Variants in PRIMPOL observed in about 807,000 individuals in gnomAD.
PRIMPOL encodes the protein DNA-directed primase/polymerase protein.
A neutral mutation model predicts 63.6 loss-of-function variants in PRIMPOL; 54 were observed. The observed-to-expected ratio is 0.85, with a 90% confidence interval of 0.68 to 1.07. PRIMPOL has a LOEUF of 1.07. Ranked by LOEUF, PRIMPOL falls within the 50% of genes least tolerant of loss-of-function variation. The pLI, the probability that PRIMPOL is intolerant of heterozygous loss-of-function variation, is 0.00. For synonymous variants in PRIMPOL, 197 were observed against 220.2 expected (o/e 0.89, Z 0.93); for missense variants, 610 against 648.3 (o/e 0.94, Z 0.64).
At chr4:184,663,446 G>A (rs751314189) in intron 5 of PRIMPOL, among the ~76,000 whole-genome samples, 3 of 152,168 alleles carry the variant, frequency 2.0e-5, no homozygotes, top group Non-Finnish European at 2.9e-5. Flanking sequence ...CCTCGATTCA[G>A]AGATTTTCAC....
intron 13 of PRIMPOL, 125 bp downstream of exon 13, chr4:184,691,837 G>T: frequency 3.0e-6 from 2 of 663,562 alleles, no homozygotes; most frequent in South Asian, 1.9e-5. Context: ...ACTTATGACT[G>T]TATTATAGGA....
intron 7 of PRIMPOL, 109 bp downstream of exon 7, chr4:184,672,569 C>T: frequency 9.2e-7 from 1 of 1,088,418 alleles, no homozygotes; most frequent in Non-Finnish European, 1.3e-6. Context: ...CTCCACTGCC[C>T]AAGTCGCCAG....
rs374221499 is a variant in PRIMPOL at position 184,672,431 on chromosome 4, T to C, written c.815T>C (p.Met272Thr). The change falls in exon 7 of 14, where the codon ATG (methionine) becomes ACG (threonine). Residue 272 changes from methionine (M) to threonine (T), a missense_variant. Coordinates refer to ENST00000314970, the MANE Select transcript of PRIMPOL (RefSeq NM_152683.4). The stretch of plus-strand genomic sequence containing the variant: ...TCATTTCTAGTTGTGAAGAATAACA[T>C]GGGAGAGAAGCATCTTTTTGTAGAT... Reference protein sequence around the residue: ...DLSFLVVKNNMGEKHLFVDLG... With the variant: ...DLSFLVVKNNTGEKHLFVDLG... 2.5e-6 allele frequency: 4 copies of C among 1,611,396 alleles called. No homozygotes were observed. In the African/African-American group the frequency reaches 5.4e-5, roughly 22 times the overall value.
intron 2 of PRIMPOL, among the ~76,000 whole-genome samples, chr4:184,654,232 A>G (rs1745558235): frequency 6.6e-6 from 1 of 152,238 alleles, no homozygotes; most frequent in Non-Finnish European, 1.5e-5. Flanking sequence ...GGTAGATACT[A>G]GCTAGATTCA....
chr4:184,664,191 T>TACCTA (rs1254343038), intron 5 of PRIMPOL, among the ~76,000 whole-genome samples: 1 of 152,230 alleles, frequency 6.6e-6, no homozygotes, highest in Non-Finnish European at 1.5e-5. Context: ...TTACTTGTCC[T>TACCTA]ACCTAAAGCA....
intron 4 of PRIMPOL, among the ~76,000 whole-genome samples, chr4:184,660,046 C>T (rs556112621): frequency 3.1e-4 from 47 of 151,880 alleles, no homozygotes; most frequent in Non-Finnish European, 4.6e-4. Context: ...ATCTTGAACT[C>T]CTGACCTCAG....
intron 9 of PRIMPOL, among the ~76,000 whole-genome samples, chr4:184,684,870 C>A (rs1280069240): frequency 2.6e-5 from 4 of 152,078 alleles, no homozygotes; most frequent in Non-Finnish European, 5.9e-5. Context: ...AACAAAAAAA[C>A]CAGCAGTTGC....
At chr4:184,666,824 G>A (rs1046965235) in intron 6 of PRIMPOL, among the ~76,000 whole-genome samples, 1 of 152,228 alleles carries the variant, frequency 6.6e-6, no homozygotes, top group African/African-American at 2.4e-5. Context: ...CTAGATGTAC[G>A]AGTCTGAAAG....
At chr4:184,665,572 T>C (rs1198551168) in intron 5 of PRIMPOL, among the ~76,000 whole-genome samples, 2 of 151,626 alleles carry the variant, frequency 1.3e-5, no homozygotes, top group African/African-American at 2.4e-5. Flanking sequence ...GGCACCATCT[T>C]GGCTGACTGC....
chr4:184,667,813 T>C (rs1308536916), intron 6 of PRIMPOL, among the ~76,000 whole-genome samples: 1 of 152,144 alleles, frequency 6.6e-6, no homozygotes, highest in Non-Finnish European at 1.5e-5. Context: ...CCCCATCCCC[T>C]TCCCCACTTG....
intron 2 of PRIMPOL, among the ~76,000 whole-genome samples, chr4:184,655,879 A>G (rs1746293590): frequency 6.6e-6 from 1 of 151,960 alleles, no homozygotes; most frequent in South Asian, 2.1e-4. Context: ...GAAGAGAGGA[A>G]CTCTATTAAT....
At chr4:184,692,999 G>C (rs188492187) in intron 13 of PRIMPOL, among the ~76,000 whole-genome samples, 1 of 152,168 alleles carries the variant, frequency 6.6e-6, no homozygotes, top group African/African-American at 2.4e-5. Context: ...ATTGTAGTTT[G>C]TGTTTTGTTT....
rs1433072163 is a variant in PRIMPOL at position 184,667,870 on chromosome 4, C to T, written c.556+1806C>T. Among the ~76,000 whole-genome samples, 4 of 152,264 alleles carry T rather than the reference C, an allele frequency of 2.6e-5. No homozygotes were observed. The South Asian group carries it at 6.2e-4, about 24-fold the overall frequency. On this transcript the variant is annotated intron_variant, in intron 6 of 13. Coordinates refer to ENST00000314970, the MANE Select transcript of PRIMPOL (RefSeq NM_152683.4). Reference sequence around the variant, plus strand: ...AACTTTCTTCCTTTTTATGGGCTGACCCCTCCTCTACATTCTGTTCACTTA... The same window carrying T: ...AACTTTCTTCCTTTTTATGGGCTGATCCCTCCTCTACATTCTGTTCACTTA...
intron 5 of PRIMPOL, among the ~76,000 whole-genome samples, chr4:184,663,508 T>C (rs1173375619): frequency 6.6e-6 from 1 of 152,228 alleles, no homozygotes; most frequent in Admixed American, 6.5e-5. Flanking sequence ...CATTAGAAAC[T>C]AGAAATATTT....
At chr4:184,650,213 T>TA (rs151192933) in intron 1 of PRIMPOL, among the ~76,000 whole-genome samples, 14,318 of 152,234 alleles carry the variant, frequency 0.094, 2,143 homozygotes, top group African/African-American at 0.32. Context: ...AATCCACATA[T>TA]AAATGTTACA....
intron 11 of PRIMPOL, among the ~76,000 whole-genome samples, chr4:184,686,130 G>A (rs1365166079): frequency 6.6e-6 from 1 of 152,122 alleles, no homozygotes; most frequent in Non-Finnish European, 1.5e-5. Context: ...GTTGTATATG[G>A]TTAGCATTAC....
At position 184,657,103 on chromosome 4, in the gene PRIMPOL, C is replaced by G; in HGVS notation, c.-38C>G. ...TTAGTAGTAATTGATAGAAATATTA[C>G]GTGGGATAGGATTTATTCTCTCCAC... On this transcript the variant is annotated 5_prime_UTR_variant, in exon 3 of 14. Coordinates refer to ENST00000314970, the MANE Select transcript of PRIMPOL (RefSeq NM_152683.4). The G allele has an allele frequency of 7.2e-7, 1 of 1,388,978 alleles. No individual in the cohort carries two copies. Among genetic ancestry groups the G allele is most frequent in the Non-Finnish European group, 9.6e-7 (1 of 1,046,876 alleles). The allele number at this position is 1,388,978 out of a possible 1,614,324, so 86.0% of individuals were successfully genotyped here. A position where few individuals can be genotyped will look rare whatever the true frequency, so the allele number is the denominator to read the frequency against.
At chr4:184,669,456 GGGTGTGGA>G in intron 6 of PRIMPOL, among the ~76,000 whole-genome samples, 1 of 152,358 alleles carries the variant, frequency 6.6e-6, no homozygotes, top group Admixed American at 6.5e-5. Context: ...ACTGCCGTCA[GGGTGTGGA>G]GGCAGAGTGC....
intron 1 of PRIMPOL, among the ~76,000 whole-genome samples, chr4:184,650,821 G>A (rs1014917518): frequency 6.6e-6 from 1 of 152,020 alleles, no homozygotes; most frequent in Admixed American, 6.6e-5. Flanking sequence ...TCGACTATAG[G>A]GACTATATTC....
Sources: gnomAD v4.1 joint callset for allele counts (sites outside exome capture counted in the v4.1 genomes callset) on GRCh38, gnomAD v4.1.1 for gene constraint, MANE v1.5 for transcripts, NCBI Gene and HGNC (gene_info 2026-07-23, HGNC 2026-07-21) for gene names.